Variants in P2RY14 observed in about 807,000 individuals in gnomAD.
P2RY14 encodes purinergic receptor P2Y14, also known as P2Y purinoceptor 14.
In P2RY14, 2 loss-of-function variants were observed where a neutral mutation model predicts 0.9. The observed-to-expected ratio is 2.16, with a 90% CI of 0.88 to 6.79. The LOEUF is 6.79. Ranked by LOEUF, P2RY14 falls within the 30% of genes most tolerant of loss-of-function variation. The pLI is 0.05. For missense variants in P2RY14, 378 were observed against 400.1 expected (o/e 0.94, Z 0.47); for synonymous variants, 158 against 147.2 (o/e 1.07, Z -0.53).
At chr3:151,227,796 A>G (rs1214135992) in intron 1 of P2RY14, among the ~76,000 whole-genome samples, 1 of 152,156 alleles carries the variant, frequency 6.6e-6, no homozygotes, top group Admixed American at 6.5e-5. Flanking sequence ...GGAATAGTCC[A>G]GGGTTTCTCA....
At chr3:151,266,782 A>G (rs1296928372) in intron 1 of P2RY14, among the ~76,000 whole-genome samples, 4 of 152,300 alleles carry the variant, frequency 2.6e-5, no homozygotes, top group South Asian at 4.1e-4. Context: ...GGTAAGAAGA[A>G]AGACTAAGGT....
intron 1 of P2RY14, among the ~76,000 whole-genome samples, chr3:151,249,896 C>A (rs1156518642): frequency 6.6e-6 from 1 of 152,164 alleles, no homozygotes; most frequent in Non-Finnish European, 1.5e-5. Context: ...TTGAATTCAT[C>A]CAGTTTAGGG....
At chr3:151,257,312 T>G (rs1453900456) in intron 1 of P2RY14, among the ~76,000 whole-genome samples, 1 of 152,268 alleles carries the variant, frequency 6.6e-6, no homozygotes, top group East Asian at 1.9e-4. Flanking sequence ...TATTAATCTC[T>G]TAGACAGTTG....
intron 1 of P2RY14, among the ~76,000 whole-genome samples, chr3:151,237,495 G>T (rs1464956028): frequency 6.6e-6 from 1 of 151,276 alleles, no homozygotes; most frequent in Admixed American, 6.6e-5. Flanking sequence ...GACTACAGGT[G>T]CCCGCCACCA....
At chr3:151,223,291 A>G (rs1331451374) in intron 1 of P2RY14, among the ~76,000 whole-genome samples, 1 of 152,038 alleles carries the variant, frequency 6.6e-6, no homozygotes, top group African/African-American at 2.4e-5. Flanking sequence ...GAGATTTCTC[A>G]AAGAACTAAA....
At chr3:151,220,543 C>A (rs553696734) in intron 1 of P2RY14, among the ~76,000 whole-genome samples, 1 of 152,116 alleles carries the variant, frequency 6.6e-6, no homozygotes, top group Non-Finnish European at 1.5e-5. Context: ...GGAAGGGAGC[C>A]AGTGGGAGAT....
At chr3:151,231,964 T>G (rs1319413831) in intron 1 of P2RY14, among the ~76,000 whole-genome samples, 2 of 152,208 alleles carry the variant, frequency 1.3e-5, no homozygotes, top group East Asian at 3.9e-4. Flanking sequence ...CTTTTTTTGC[T>G]GATATATGCA....
chr3:151,277,177 T>G (rs1027811940), intron 1 of P2RY14, among the ~76,000 whole-genome samples: 2 of 151,452 alleles, frequency 1.3e-5, no homozygotes, highest in Non-Finnish European at 2.9e-5. Flanking sequence ...GTGCTGGGAT[T>G]ACAGGTGTGA....
At chr3:151,220,953 T>G (rs916833565) in intron 1 of P2RY14, among the ~76,000 whole-genome samples, 2 of 152,196 alleles carry the variant, frequency 1.3e-5, no homozygotes, top group African/African-American at 4.8e-5. Context: ...GTAGGTAAGT[T>G]TGGAACTTCC....
rs146966555 is a variant in P2RY14, at chr3:151,221,686, C to T, written c.-132-2044G>A. Among the ~76,000 whole-genome samples the T allele has an allele frequency of 8.9e-3, 1,348 of 152,276 alleles. 15 individuals carry two copies. Among genetic ancestry groups the T allele is most frequent in the South Asian group, 0.015 (74 of 4,830 alleles). ...TCAAGAATTGGGGTTTGGGAACCTC[C>T]GCCTAGATTTCAGAATATGTGTGGA... is the stretch of plus-strand genomic sequence containing the variant. On this transcript the variant is annotated intron_variant, in intron 1 of 2. Coordinates refer to ENST00000309170, the MANE Select transcript of P2RY14 (RefSeq NM_014879.4).
intron 1 of P2RY14, among the ~76,000 whole-genome samples, chr3:151,237,346 T>C (rs1281287858): frequency 4.3e-5 from 3 of 70,438 alleles, no homozygotes; most frequent in Non-Finnish European, 6.0e-5. Context: ...CTTTTTTTTT[T>C]TTTCTTTTTT....
chr3:151,266,889 CTG>C (rs1303272549), intron 1 of P2RY14, among the ~76,000 whole-genome samples: 1 of 152,200 alleles, frequency 6.6e-6, no homozygotes, highest in Non-Finnish European at 1.5e-5. Context: ...TTGTAGGAGT[CTG>C]TAACTTTTAT....
At chr3:151,225,201 C>G (rs903466485) in intron 1 of P2RY14, among the ~76,000 whole-genome samples, 4 of 152,184 alleles carry the variant, frequency 2.6e-5, no homozygotes, top group Non-Finnish European at 5.9e-5. Flanking sequence ...CCCTCGACTT[C>G]ACAGAAGTTG....
At chr3:151,223,512 A>G (rs1021342099) in intron 1 of P2RY14, among the ~76,000 whole-genome samples, 2 of 152,248 alleles carry the variant, frequency 1.3e-5, no homozygotes, top group Non-Finnish European at 2.9e-5. Context: ...ATGCAGCCAT[A>G]CAAAAGAAAT....
chr3:151,219,413 C>T (rs1728881213), intron 2 of P2RY14, 122 bp downstream of exon 2: 1 of 152,172 alleles, frequency 6.6e-6, no homozygotes, highest in Non-Finnish European at 1.5e-5. Flanking sequence ...TGTATTAGAA[C>T]ACCTTCCACC....
intron 1 of P2RY14, among the ~76,000 whole-genome samples, chr3:151,237,927 C>A (rs1321688942): frequency 1.3e-5 from 2 of 151,992 alleles, no homozygotes; most frequent in Non-Finnish European, 2.9e-5. Flanking sequence ...TTGTAGACTT[C>A]TTTGAATATT....
intron 1 of P2RY14, chr3:151,269,822 C>T (rs1740539217): frequency 2.3e-6 from 1 of 430,420 alleles, no homozygotes; most frequent in Non-Finnish European, 4.5e-6. Context: ...ATAATGAAAA[C>T]GTTCCAGTCA....
At chr3:151,219,891 AC>A (rs141293857) in intron 1 of P2RY14, among the ~76,000 whole-genome samples, 10,647 of 91,908 alleles carry the variant, frequency 0.12, 820 homozygotes, top group African/African-American at 0.26. Context: ...GGTTTATATT[AC>A]CCCCCCCCCC....
At chr3:151,258,336 C>G (rs1461762211) in intron 1 of P2RY14, among the ~76,000 whole-genome samples, 1 of 152,096 alleles carries the variant, frequency 6.6e-6, no homozygotes, top group East Asian at 1.9e-4. Context: ...TTGTTGCTGA[C>G]AAAATAATTT....
Sources: allele counts gnomAD v4.1 joint callset (sites outside exome capture counted in the v4.1 genomes callset), GRCh38; gene constraint gnomAD v4.1.1; transcripts MANE v1.5; gene names NCBI Gene and HGNC (gene_info 2026-07-23, HGNC 2026-07-21).